PCGF6: variants seen among roughly 807,000 people sequenced by gnomAD.
PCGF6 encodes the protein polycomb group ring finger 6, also known as polycomb group RING finger protein 6.
PCGF6 carries 24 observed loss-of-function variants against 45.5 expected under a neutral mutation model. The observed-to-expected ratio is 0.53, with a 90% confidence interval of 0.38 to 0.74. The LOEUF (loss-of-function observed/expected upper bound fraction) is 0.74. Ranked by LOEUF, PCGF6 falls within the 30% of genes least tolerant of loss-of-function variation. The pLI is 0.00. For synonymous variants in PCGF6, 152 were observed against 162.1 expected (o/e 0.94, Z 0.47); for missense variants, 356 against 443.2 (o/e 0.80, Z 1.77).
At chr10:103,344,359 C>T (rs1357836859) in intron 6 of PCGF6, among the ~76,000 whole-genome samples, 1 of 151,884 alleles carries the variant, frequency 6.6e-6, no homozygotes, top group African/African-American at 2.4e-5. Flanking sequence ...TCAACCTCCA[C>T]TGCCCGATTT....
rs755919995 is a variant in PCGF6, at chr10:103,348,889, G to C, written c.460+11C>G. ...TGAAAAATTATTCAGAAATGTGATC[G>C]GTATGCTTACAGGTATGAAGACATT... On this transcript the variant is annotated intron_variant, in intron 2 of 9. Transcript: ENST00000369847. 2.5e-6 allele frequency: 4 copies of C among 1,605,110 alleles called. No homozygotes were observed. Among genetic ancestry groups the C allele is most frequent in the Non-Finnish European group, 3.4e-6 (4 of 1,173,548 alleles).
At chr10:103,349,998 G>C (rs2093315313) in intron 1 of PCGF6, among the ~76,000 whole-genome samples, 1 of 151,676 alleles carries the variant, frequency 6.6e-6, no homozygotes, top group Non-Finnish European at 1.5e-5. Flanking sequence ...CTGGAGAATC[G>C]CTTGAACCTG....
intron 7 of PCGF6, among the ~76,000 whole-genome samples, chr10:103,327,970 C>A (rs2093225516): frequency 6.6e-6 from 1 of 151,950 alleles, no homozygotes; most frequent in African/African-American, 2.4e-5. Context: ...CCACTGCGCC[C>A]AGCCAGGGAT....
chr10:103,307,343 A>T (rs1320473826), intron 9 of PCGF6, among the ~76,000 whole-genome samples: 1 of 151,548 alleles, frequency 6.6e-6, no homozygotes. Flanking sequence ...AGGCTGAGGC[A>T]GGAGGATTGC....
chr10:103,331,626 T>C (rs2093240336), intron 7 of PCGF6, among the ~76,000 whole-genome samples: 1 of 152,180 alleles, frequency 6.6e-6, no homozygotes, highest in Non-Finnish European at 1.5e-5. Flanking sequence ...ACAATGTAAT[T>C]AATTTATATG....
chr10:103,309,892 T>C (rs573679253), intron 9 of PCGF6, among the ~76,000 whole-genome samples: 1 of 151,982 alleles, frequency 6.6e-6, no homozygotes, highest in African/African-American at 2.4e-5. Context: ...CACTGAGCCA[T>C]GATTGTGCCA....
At chr10:103,347,540 G>A (rs2093303995) in intron 3 of PCGF6, 90 bp from the exon 4 acceptor site, 3 of 1,055,346 alleles carry the variant, frequency 2.8e-6, no homozygotes, top group Non-Finnish European at 4.2e-6. Flanking sequence ...TCTTGAGAGT[G>A]GGTATCTTTT....
At chr10:103,326,725 A>C in intron 7 of PCGF6, 93 bp from the exon 8 acceptor site, 1 of 815,420 alleles carries the variant, frequency 1.2e-6, no homozygotes, top group Non-Finnish European at 1.8e-6. Context: ...TAAACATTAA[A>C]GAAAATTTTA....
In PCGF6 at chr10:103,350,883, G is replaced by A. The variant is rs2093318654; in HGVS notation, c.184C>T (p.Pro62Ser). 6.5e-7 allele frequency: 1 copy of A among 1,533,434 alleles called. No individual in the cohort carries two copies. 95.0% of individuals were successfully genotyped at this position (1,533,434 alleles called of 1,614,324 possible). The change falls in exon 1 of 10, where the codon CCT becomes TCT. Residue 62 changes from proline (P) to serine (S), a missense_variant. Coordinates refer to ENST00000369847, the MANE Select transcript of PCGF6 (RefSeq NM_001011663.2). ...AGGCTGCGCTCCGGCTCCAGCTCAG[G>A]GGGCCGGGAGCCGGAGCAGCCGGGA... Reference protein sequence around the residue: ...GAPGCSGSRPPELEPERSLGR... With the variant: ...GAPGCSGSRPSELEPERSLGR...
rs182168968 is a variant in PCGF6, at chr10:103,305,838, G to A, written c.997-1877C>T. Among the ~76,000 whole-genome samples, 8 of 151,536 alleles carry A rather than the reference G, an allele frequency of 5.3e-5. No homozygotes were observed. The East Asian group carries it at 7.8e-4, about 15-fold the overall frequency. On this transcript the variant is annotated intron_variant, in intron 9 of 9. Coordinates refer to ENST00000369847, the MANE Select transcript of PCGF6 (RefSeq NM_001011663.2). ...CGAGGTGGGCAGGTCACTTGAGACC[G>A]GGAGTTCAAGACCAGCCTGGGCAAC...
intron 6 of PCGF6, among the ~76,000 whole-genome samples, chr10:103,340,195 A>G (rs1024532614): frequency 9.5e-5 from 10 of 105,564 alleles, no homozygotes; most frequent in Non-Finnish European, 1.7e-4. Flanking sequence ...AAAAAAAAAA[A>G]AAAATATATA....
chr10:103,309,005 T>C (rs928995616), intron 9 of PCGF6, among the ~76,000 whole-genome samples: 1 of 152,238 alleles, frequency 6.6e-6, no homozygotes, highest in East Asian at 1.9e-4. Flanking sequence ...ATTTGCCCAA[T>C]GTTTATACCC....
intron 6 of PCGF6, among the ~76,000 whole-genome samples, chr10:103,338,553 A>AG (rs1224236619): frequency 6.6e-6 from 1 of 151,478 alleles, no homozygotes; most frequent in East Asian, 1.9e-4. Context: ...TCAAAAAAAA[A>AG]AAAAAAAGAA....
intron 6 of PCGF6, among the ~76,000 whole-genome samples, chr10:103,338,956 C>T (rs935501448): frequency 1.3e-5 from 2 of 152,082 alleles, no homozygotes; most frequent in African/African-American, 4.8e-5. Context: ...AGGCTGAACC[C>T]ACCTCAGTGT....
intron 8 of PCGF6, among the ~76,000 whole-genome samples, chr10:103,324,194 C>T (rs543010482): frequency 1.3e-5 from 2 of 152,064 alleles, no homozygotes; most frequent in South Asian, 4.1e-4. Context: ...CTGCCTTGGC[C>T]TCCCAAAGTA....
chr10:103,326,762 G>C, intron 7 of PCGF6, 130 bp from the exon 8 acceptor site: 2 of 533,314 alleles, frequency 3.8e-6, no homozygotes, highest in Non-Finnish European at 6.2e-6. Context: ...ATAGACTCTT[G>C]AAAAAACTTA....
At chr10:103,346,196 TAA>T (rs929742522) in intron 5 of PCGF6, among the ~76,000 whole-genome samples, 12 of 127,954 alleles carry the variant, frequency 9.4e-5, no homozygotes, top group Admixed American at 8.1e-5. Context: ...CCATCTCATT[TAA>T]AAAAAAAAAA....
At chr10:103,334,659 G>A (rs1032495432) in intron 6 of PCGF6, among the ~76,000 whole-genome samples, 2 of 151,996 alleles carry the variant, frequency 1.3e-5, no homozygotes, top group African/African-American at 4.8e-5. Context: ...TAATTACCTG[G>A]ACATAATTTT....
Position 103,351,028 on chromosome 10 carries a change from G to T in PCGF6, c.39C>A (p.Gly13=). Residue 13 remains glycine, a synonymous_variant, in exon 1 of 10, where the codon GGC becomes GGA. Transcript: ENST00000369847. ...CTGCAGCTCCCTCGGTTTTGGCAGCGCCTACGCTGCCCGCCGTCACCACCG... is the reference window on the plus strand; with the variant it reads ...CTGCAGCTCCCTCGGTTTTGGCAGCTCCTACGCTGCCCGCCGTCACCACCG... ...GVAVVTAGSV[G]AAKTEGAAAL... 7.1e-7 allele frequency: 1 copy of T among 1,400,682 alleles called. No homozygotes were observed. 86.8% of individuals were successfully genotyped at this position (1,400,682 alleles called of 1,614,324 possible).
Sources: gnomAD v4.1 joint callset for allele counts (sites outside exome capture counted in the v4.1 genomes callset) on GRCh38, gnomAD v4.1.1 for gene constraint, MANE v1.5 for transcripts, NCBI Gene and HGNC (gene_info 2026-07-23, HGNC 2026-07-21) for gene names.